DOCK3: variants seen among roughly 807,000 people sequenced by gnomAD.
The protein encoded by DOCK3 is dedicator of cytokinesis 3, also known as dedicator of cytokinesis protein 3.
In DOCK3, 60 loss-of-function variants were observed where a neutral mutation model predicts 265.6. That is an observed-to-expected ratio of 0.23 (90% CI 0.18 to 0.28). The LOEUF is 0.28. DOCK3 is among the 10% of genes least tolerant of loss of function. DOCK3 has a pLI of 1.00. For missense variants in DOCK3, 1,981 were observed against 2,594.3 expected (o/e 0.76, Z 5.14); for synonymous variants, 881 against 938.0 (o/e 0.94, Z 1.11).
chr3:51,177,661 A>G (rs1486039181), intron 12 of DOCK3, among the ~76,000 whole-genome samples: 4 of 152,202 alleles, frequency 2.6e-5, no homozygotes, highest in African/African-American at 9.6e-5. Flanking sequence ...TATCAGTTAC[A>G]ACAGTAAACA....
intron 32 of DOCK3, among the ~76,000 whole-genome samples, chr3:51,323,468 T>G (rs2083878122): frequency 6.6e-6 from 1 of 152,186 alleles, no homozygotes; most frequent in Non-Finnish European, 1.5e-5. Context: ...AAAACACTCC[T>G]TGGCAAATGC....
chr3:50,989,525 C>T (rs958188444), intron 5 of DOCK3, among the ~76,000 whole-genome samples: 6 of 152,130 alleles, frequency 3.9e-5, no homozygotes, highest in Non-Finnish European at 7.4e-5. Flanking sequence ...GATTACATCC[C>T]GAAGCTTCAA....
intron 3 of DOCK3, among the ~76,000 whole-genome samples, chr3:50,848,180 A>G (rs951960286): frequency 3.9e-5 from 6 of 152,046 alleles, no homozygotes; most frequent in Non-Finnish European, 7.4e-5. Flanking sequence ...CCTTGAGCCT[A>G]TGGGTGTTGT....
chr3:50,803,893 A>ACCTC, intron 2 of DOCK3, among the ~76,000 whole-genome samples: 1 of 145,672 alleles, frequency 6.9e-6, no homozygotes, highest in Non-Finnish European at 1.5e-5. Flanking sequence ...GCTGTCCCCC[A>ACCTC]CCTCCTGGAG....
intron 1 of DOCK3, among the ~76,000 whole-genome samples, chr3:50,774,047 AC>A (rs2041444280): frequency 6.6e-6 from 1 of 151,962 alleles, no homozygotes; most frequent in African/African-American, 2.4e-5. Context: ...CCCAGAGTAT[AC>A]AGATTACCAA....
intron 5 of DOCK3, among the ~76,000 whole-genome samples, chr3:51,040,318 T>G (rs772011839): frequency 1.3e-5 from 2 of 152,178 alleles, no homozygotes; most frequent in African/African-American, 2.4e-5. Context: ...TGGTTCCAGA[T>G]TACTACATCA....
At chr3:50,809,396 T>C (rs954658050) in intron 2 of DOCK3, among the ~76,000 whole-genome samples, 1 of 152,144 alleles carries the variant, frequency 6.6e-6, no homozygotes, top group African/African-American at 2.4e-5. Context: ...CACTAGAATG[T>C]CTAAGAATTA....
At position 51,236,432 on chromosome 3, in the gene DOCK3, A is replaced by G. The variant is rs754497495; in HGVS notation, c.2001+4A>G. ...CCTGTTGGTTTTTCAGTCTCTGGTAAGTCACCTTCCTGACTCTTTACTTTT... is the reference window on the plus strand; with the variant it reads ...CCTGTTGGTTTTTCAGTCTCTGGTAGGTCACCTTCCTGACTCTTTACTTTT... On this transcript the variant is annotated splice_donor_region_variant and intron_variant, in intron 20 of 52. Coordinates refer to ENST00000266037, the MANE Select transcript of DOCK3 (RefSeq NM_004947.5). 1.2e-6 allele frequency: 2 copies of G among 1,606,664 alleles called. No individual in the cohort carries two copies. Among genetic ancestry groups the G allele is most frequent in the Non-Finnish European group, 1.7e-6 (2 of 1,177,346 alleles).
chr3:51,168,682 G>GCA (rs1455043004), intron 12 of DOCK3, among the ~76,000 whole-genome samples: 2 of 152,160 alleles, frequency 1.3e-5, no homozygotes, highest in Admixed American at 1.3e-4. Context: ...ATAGGAATGG[G>GCA]CAAAGATTTC....
At chr3:51,019,585 A>T (rs942279706) in intron 5 of DOCK3, among the ~76,000 whole-genome samples, 3 of 151,880 alleles carry the variant, frequency 2.0e-5, no homozygotes, top group African/African-American at 7.3e-5. Context: ...TATTAAGCCC[A>T]ACATCTATCA....
rs1306491882 is a variant in DOCK3, at chr3:51,383,562, C to T, written c.*2003C>T. 1 of 152,324 alleles carries T rather than the reference C, an allele frequency of 6.6e-6. No homozygotes were observed. The highest frequency in any genetic ancestry group is 6.5e-5 in the Admixed American group (1 of 15,286). The allele number at this position is 152,324 out of a possible 1,614,324, so 9.4% of individuals were successfully genotyped here. A position where few individuals can be genotyped will look rare whatever the true frequency, so the allele number is the denominator to read the frequency against. ...CACATAAGAACAGCTACCTTCTCCA[C>T]TTGGTGGCACAAGAGGTAGGGAGGG... On this transcript the variant is annotated 3_prime_UTR_variant, in exon 53 of 53. Transcript: ENST00000266037.
At chr3:51,081,757 G>A (rs1179558681) in intron 7 of DOCK3, among the ~76,000 whole-genome samples, 45 of 151,918 alleles carry the variant, frequency 3.0e-4, no homozygotes, top group African/African-American at 7.5e-4. Context: ...TTAGCTGGGC[G>A]TGGTGGCGGG....
rs2088518671 is a variant in DOCK3, at chr3:51,380,274, C to T, written c.5583+67C>T. Reference sequence around the variant, plus strand: ...GTCATCTCGTCTGCTCTAGAACCACCCTTGGGGTCTACAGGAGGAACTGGA... The same window carrying T: ...GTCATCTCGTCTGCTCTAGAACCACTCTTGGGGTCTACAGGAGGAACTGGA... On this transcript the variant is annotated intron_variant, in intron 52 of 52. Coordinates refer to ENST00000266037, the MANE Select transcript of DOCK3 (RefSeq NM_004947.5). The T allele has an allele frequency of 3.4e-6, 5 of 1,450,530 alleles. No homozygotes were observed. The Admixed American group carries it at 5.6e-5, about 16-fold the overall frequency. 89.9% of individuals were successfully genotyped at this position (1,450,530 alleles called of 1,614,324 possible). A position where few individuals can be genotyped will look rare whatever the true frequency, so the allele number is the denominator to read the frequency against.
At chr3:50,884,090 C>G (rs1321496698) in intron 3 of DOCK3, among the ~76,000 whole-genome samples, 1 of 140,120 alleles carries the variant, frequency 7.1e-6, no homozygotes, top group Non-Finnish European at 1.6e-5. Context: ...ATATACCATT[C>G]TTTTTTTTTT....
intron 1 of DOCK3, among the ~76,000 whole-genome samples, chr3:50,678,846 G>A (rs1306233247): frequency 6.6e-6 from 1 of 151,574 alleles, no homozygotes; most frequent in East Asian, 1.9e-4. Context: ...GTCTTGCTCT[G>A]TCGTCCAGGC....
intron 3 of DOCK3, among the ~76,000 whole-genome samples, chr3:50,862,031 T>A (rs138363735): frequency 1.1e-4 from 16 of 152,300 alleles, no homozygotes; most frequent in Non-Finnish European, 2.2e-4. Context: ...GTGAGCTTTA[T>A]ACTTACATGC....
At chr3:50,719,843 T>A in intron 1 of DOCK3, 1 of 734,530 alleles carries the variant, frequency 1.4e-6, no homozygotes, top group Non-Finnish European at 2.5e-6. Context: ...TATAACCAAA[T>A]GCATTCTTTC....
intron 27 of DOCK3, among the ~76,000 whole-genome samples, chr3:51,296,511 C>A (rs765982805): frequency 7.4e-5 from 11 of 148,680 alleles, no homozygotes; most frequent in Non-Finnish European, 1.5e-4. Flanking sequence ...GAGTCTTGCT[C>A]TGTTGCCTGG....
At chr3:51,242,105 T>G (rs2108523786) in intron 21 of DOCK3, among the ~76,000 whole-genome samples, 1 of 152,178 alleles carries the variant, frequency 6.6e-6, no homozygotes, top group Admixed American at 6.5e-5. Context: ...TTCCCTTTTA[T>G]CCTGTTTGAT....
Sources: allele counts gnomAD v4.1 joint callset (sites outside exome capture counted in the v4.1 genomes callset), GRCh38; gene constraint gnomAD v4.1.1; transcripts MANE v1.5; gene names NCBI Gene and HGNC (gene_info 2026-07-23, HGNC 2026-07-21).